Variants in GAD2 observed in about 807,000 individuals in gnomAD.
GAD2 encodes glutamate decarboxylase 2.
In GAD2, 22 loss-of-function variants were observed where a neutral mutation model predicts 80.1. The observed-to-expected ratio is 0.27, with a 90% confidence interval of 0.20 to 0.39. The LOEUF is 0.39. Among genes scored for constraint, GAD2 ranks in the 10% least tolerant of loss-of-function variants. The pLI is 1.00. For missense variants in GAD2, 624 were observed against 738.4 expected, an observed-to-expected ratio of 0.85 and a Z score of 1.80; for synonymous variants, 274 against 256.9, an observed-to-expected ratio of 1.07 and a Z score of -0.64.
Position 26,217,493 on chromosome 10 carries a change from G to GA in GAD2, c.77-115dup, listed in dbSNP as rs1844390755. 1.4e-5 allele frequency: 15 copies of GA among 1,095,606 alleles called. 1 individual carries two copies. Among genetic ancestry groups the GA allele is most frequent in the Middle Eastern group, 4.0e-4 (2 of 5,014 alleles). The allele number at this position is 1,095,606 out of a possible 1,614,324, so 67.9% of individuals were successfully genotyped here. The stretch of plus-strand genomic sequence containing the variant: ...CCGAGTCCTGAGCGGCCCCCAGGAG[G>GA]AAGGCGGCCCCTCCTAGGACCCCGG... On this transcript the variant is annotated intron_variant, in intron 1 of 15. Coordinates refer to ENST00000376261, the MANE Select transcript of GAD2 (RefSeq NM_001134366.2). This position sits in a 1 kb window ranked among gnomAD's most constrained non-coding sequence, Gnocchi z 4.9.
At chr10:26,295,079 A>C (rs563341743) in intron 15 of GAD2, among the ~76,000 whole-genome samples, 23 of 114,172 alleles carry the variant, frequency 2.0e-4, no homozygotes, top group African/African-American at 1.4e-3. Context: ...TACAGAATAA[A>C]AACTTTTTTT....
At chr10:26,242,179 A>G (rs10466096) in intron 7 of GAD2, among the ~76,000 whole-genome samples, 4,495 of 151,950 alleles carry the variant, frequency 0.03, 231 homozygotes, top group African/African-American at 0.1. Flanking sequence ...GTAGAGACAG[A>G]GTTTCACCGT....
intron 8 of GAD2, among the ~76,000 whole-genome samples, chr10:26,258,400 G>A (rs990626548): frequency 6.6e-6 from 1 of 152,060 alleles, no homozygotes; most frequent in Non-Finnish European, 1.5e-5. Context: ...TAAAATTTCC[G>A]ATCTGAGCCA....
chr10:26,299,670 C>A (rs1349093213), intron 15 of GAD2, among the ~76,000 whole-genome samples: 2 of 152,104 alleles, frequency 1.3e-5, no homozygotes, highest in African/African-American at 2.4e-5. Flanking sequence ...CAGGACCTGA[C>A]AGTTGAGGTA....
In GAD2 at chr10:26,246,013, C is replaced by A. The variant is rs752947706; in HGVS notation, c.920+13C>A. 6.2e-7 allele frequency: 1 copy of A among 1,611,036 alleles called. No homozygotes were observed. On this transcript the variant is annotated intron_variant, in intron 8 of 15. Transcript: ENST00000376261. ...AATGTGATGAGAGGTGAGCACGCAT[C>A]GGCAACTCTTGTTGGTTAGCAATTT...
intron 7 of GAD2, among the ~76,000 whole-genome samples, chr10:26,236,181 A>G (rs998247786): frequency 4.6e-5 from 7 of 151,988 alleles, no homozygotes; most frequent in African/African-American, 1.7e-4. Flanking sequence ...TGGCACGATC[A>G]TGGCTCGCTG....
rs573921023 is a variant in GAD2 at position 26,291,739 on chromosome 10, C to T, written c.1387-726C>T. On this transcript the variant is annotated intron_variant, in intron 13 of 15. Transcript: ENST00000376261. ...AGAGGAAAGCCATTTTGAAAAGTAA[C>T]TCTCTTGTGTGTCCCGATGTCAGTT... 5.4e-4 allele frequency among the ~76,000 whole-genome samples: 83 copies of T among 152,318 alleles called. 1 individual carries two copies. The highest frequency in any genetic ancestry group is 1.9e-3 in the African/African-American group (81 of 41,570).
chr10:26,229,575 T>C (rs1844572484), intron 6 of GAD2, 87 bp from the exon 7 acceptor site: 4 of 907,834 alleles, frequency 4.4e-6, no homozygotes, highest in Admixed American at 2.1e-5. Context: ...CAAGGAGGAC[T>C]CAGGTCAGTG....
chr10:26,230,003 C>T (rs1421236595), intron 7 of GAD2, among the ~76,000 whole-genome samples: 1 of 151,796 alleles, frequency 6.6e-6, no homozygotes, highest in African/African-American at 2.4e-5. Flanking sequence ...ATAGTGAAAC[C>T]CCATCTTCAC....
intron 15 of GAD2, among the ~76,000 whole-genome samples, chr10:26,294,357 C>T (rs960450886): frequency 6.6e-6 from 1 of 152,182 alleles, no homozygotes; most frequent in Non-Finnish European, 1.5e-5. Context: ...TAACATCTGT[C>T]CTTAAGCAAC....
At chr10:26,269,517 G>A (rs927993585) in intron 9 of GAD2, among the ~76,000 whole-genome samples, 1 of 152,236 alleles carries the variant, frequency 6.6e-6, no homozygotes, top group Admixed American at 6.5e-5. Flanking sequence ...GTATGTGAGA[G>A]ACCCTGGTGC....
intron 7 of GAD2, among the ~76,000 whole-genome samples, chr10:26,243,052 T>TC (rs1363911459): frequency 1.3e-5 from 2 of 151,340 alleles, no homozygotes; most frequent in Non-Finnish European, 3.0e-5. Flanking sequence ...ACCCCCCCCC[T>TC]TTTTTTGGTG....
At chr10:26,270,164 G>T (rs1377555180) in intron 9 of GAD2, among the ~76,000 whole-genome samples, 1 of 152,170 alleles carries the variant, frequency 6.6e-6, no homozygotes, top group African/African-American at 2.4e-5. Flanking sequence ...GTGCTGAAAC[G>T]TGAAATAAAT....
intron 11 of GAD2, among the ~76,000 whole-genome samples, chr10:26,278,085 A>G (rs1346523890): frequency 2.0e-5 from 3 of 151,920 alleles, no homozygotes; most frequent in African/African-American, 7.3e-5. Flanking sequence ...TGCCTCTGAG[A>G]GGGAGGTGGG....
chr10:26,274,224 G>A (rs1486604263), intron 11 of GAD2, among the ~76,000 whole-genome samples: 1 of 152,210 alleles, frequency 6.6e-6, no homozygotes, highest in African/African-American at 2.4e-5. Context: ...CTCATCTCAT[G>A]TTTCATTCCC....
chr10:26,217,968 A>G lies in GAD2; in HGVS notation c.263A>G (p.Asn88Ser), dbSNP rs1040046985. The G allele has an allele frequency of 1.2e-6, 2 of 1,611,180 alleles. No homozygotes were observed. Among genetic ancestry groups the G allele is most frequent in the South Asian group, 1.1e-5 (1 of 90,984 alleles). ...TGCAGCTGCTCCAAAGTGGATGTCA[A>G]CTACGCGTTTCTCCATGCAACAGGT... ...KPCSCSKVDV[N>S]YAFLHATDLL... Residue 88 changes from asparagine to serine, a missense_variant, in exon 3 of 16, where the codon AAC becomes AGC. Coordinates refer to ENST00000376261, the MANE Select transcript of GAD2 (RefSeq NM_001134366.2). The surrounding 1 kb of genome is among the most constrained non-coding windows in gnomAD (Gnocchi z 4.9).
chr10:26,225,562 A>C (rs1434533903), intron 6 of GAD2, among the ~76,000 whole-genome samples: 1 of 152,184 alleles, frequency 6.6e-6, no homozygotes, highest in East Asian at 1.9e-4. Flanking sequence ...TGTCAGACAG[A>C]GCAAAGGCCA....
intron 7 of GAD2, 38 bp downstream of exon 7, chr10:26,229,815 T>G: frequency 6.8e-7 from 1 of 1,476,662 alleles, no homozygotes; most frequent in East Asian, 2.3e-5. Flanking sequence ...AAGGTTATGT[T>G]CCATAAAGCC....
rs1295283200 is a variant in GAD2 at position 26,224,806 on chromosome 10, C to T, written c.724+155C>T. 3 of 601,630 alleles carry T rather than the reference C, an allele frequency of 5.0e-6. No homozygotes were observed. The Admixed American group carries it at 9.4e-5, about 19-fold the overall frequency. The allele number at this position is 601,630 out of a possible 1,614,324, so 37.3% of individuals were successfully genotyped here. A position where few individuals can be genotyped will look rare whatever the true frequency, so the allele number is the denominator to read the frequency against. On this transcript the variant is annotated intron_variant, in intron 6 of 15. Coordinates refer to ENST00000376261, the MANE Select transcript of GAD2 (RefSeq NM_001134366.2). Reference sequence around the variant, plus strand: ...AATGACTGTGATTAAGTGCACATGACCATTGAACATGCCTCCAAGCTAAGT... The same window carrying T: ...AATGACTGTGATTAAGTGCACATGATCATTGAACATGCCTCCAAGCTAAGT...
Sources: gnomAD v4.1 joint callset for allele counts (sites outside exome capture counted in the v4.1 genomes callset) on GRCh38, gnomAD v4.1.1 for gene constraint, Gnocchi (gnomAD v3.1) non-coding constraint, MANE v1.5 for transcripts, NCBI Gene and HGNC (gene_info 2026-07-23, HGNC 2026-07-21) for gene names.